The following ANKRD11 variants were observed in gnomAD, a reference collection of about 807,000 sequenced individuals.
ANKRD11 encodes ankyrin repeat domain 11, also known as ankyrin repeat domain-containing protein 11.
ANKRD11 carries 17 observed loss-of-function variants against 195.7 expected under a neutral mutation model. The ratio of observed to expected loss-of-function variants is 0.09; its 90% CI spans 0.06 to 0.13. The LOEUF is 0.13. ANKRD11 is among the 10% of genes least tolerant of loss of function. The probability of loss-of-function intolerance (pLI) is 1.00; values close to 1 mark genes in which losing one functional copy is unlikely to be tolerated. For synonymous variants in ANKRD11, 1,953 were observed against 1,528.1 expected (o/e 1.28, Z -6.49); for missense variants, 3,735 against 3,566.1 (o/e 1.05, Z -1.21).
chr16:89,334,540 T>C (rs968924196), intron 2 of ANKRD11, among the ~76,000 whole-genome samples: 1 of 151,942 alleles, frequency 6.6e-6, no homozygotes, highest in Non-Finnish European at 1.5e-5. Context: ...ACCCCACCCA[T>C]GTGGGCAGTG....
At chr16:89,421,921 G>T (rs139960931) in intron 1 of ANKRD11, among the ~76,000 whole-genome samples, 1 of 152,158 alleles carries the variant, frequency 6.6e-6, no homozygotes, top group Non-Finnish European at 1.5e-5. Flanking sequence ...CTATGGAAAT[G>T]GCAACAGGAC....
chr16:89,310,785 T>C (rs2036566703), intron 3 of ANKRD11, among the ~76,000 whole-genome samples: 1 of 152,274 alleles, frequency 6.6e-6, no homozygotes, highest in Non-Finnish European at 1.5e-5. Flanking sequence ...GGGTTTGCAC[T>C]GGAACACCAT....
chr16:89,321,527 T>C (rs1337141027), intron 2 of ANKRD11, among the ~76,000 whole-genome samples: 2 of 151,954 alleles, frequency 1.3e-5, no homozygotes, highest in Non-Finnish European at 2.9e-5. Context: ...GGAGCACTCC[T>C]TGCCAGAGGC....
At position 89,280,633 on chromosome 16, in the gene ANKRD11, G is replaced by C. The variant is rs1005592913; in HGVS notation, c.5909C>G (p.Pro1970Arg). Reference protein sequence around the residue: ...SSLIGGTSENPVSWPVGSDLL... With the variant: ...SSLIGGTSENRVSWPVGSDLL... Reference sequence around the variant, plus strand: ...GTCCGAGCCCACAGGCCAGCTCACAGGGTTTTCAGAGGTGCCCCCGATCAG... The same window carrying C: ...GTCCGAGCCCACAGGCCAGCTCACACGGTTTTCAGAGGTGCCCCCGATCAG... The change falls in exon 9 of 13, where the codon CCT becomes CGT. Residue 1970 changes from proline to arginine, a missense_variant. Coordinates refer to ENST00000301030, the MANE Select transcript of ANKRD11 (RefSeq NM_013275.6). The C allele has an allele frequency of 4.3e-6, 7 of 1,613,426 alleles. No homozygotes were observed. Among genetic ancestry groups the C allele is most frequent in the Non-Finnish European group, 5.1e-6 (6 of 1,179,970 alleles).
At chr16:89,386,304 A>G (rs1192271775) in intron 2 of ANKRD11, among the ~76,000 whole-genome samples, 1 of 152,056 alleles carries the variant, frequency 6.6e-6, no homozygotes, top group Non-Finnish European at 1.5e-5. Flanking sequence ...GATTATTAAG[A>G]CAGACAATGC....
At chr16:89,454,636 C>T (rs1180961029) in intron 1 of ANKRD11, among the ~76,000 whole-genome samples, 9 of 151,004 alleles carry the variant, frequency 6.0e-5, no homozygotes, top group African/African-American at 2.2e-4. Context: ...GTTCCTCAAG[C>T]TGCTCCCCTG....
At chr16:89,440,912 A>C (rs2043425278) in intron 1 of ANKRD11, among the ~76,000 whole-genome samples, 1 of 152,178 alleles carries the variant, frequency 6.6e-6, no homozygotes, top group Non-Finnish European at 1.5e-5. Flanking sequence ...GTCAAAACGG[A>C]AAGAGAGAGC....
chr16:89,270,196 T>A (rs1386545646), intron 12 of ANKRD11: 1 of 169,594 alleles, frequency 5.9e-6, no homozygotes, highest in Admixed American at 5.5e-5. Flanking sequence ...TCAGCACCTT[T>A]CTGAGAGCTG....
At chr16:89,458,319 G>A (rs2056524672) in intron 1 of ANKRD11, among the ~76,000 whole-genome samples, 1 of 151,954 alleles carries the variant, frequency 6.6e-6, no homozygotes, top group South Asian at 2.1e-4. Flanking sequence ...CCGCCTCCCG[G>A]GTTCAGGCCA....
intron 2 of ANKRD11, among the ~76,000 whole-genome samples, chr16:89,331,399 G>C (rs2038059680): frequency 1.3e-5 from 2 of 152,154 alleles, no homozygotes; most frequent in Non-Finnish European, 2.9e-5. Flanking sequence ...CCCGATCTCT[G>C]ACAAACAGGC....
intron 2 of ANKRD11, among the ~76,000 whole-genome samples, chr16:89,319,004 C>T (rs1007980503): frequency 5.3e-5 from 8 of 152,330 alleles, no homozygotes; most frequent in East Asian, 1.9e-4. Flanking sequence ...GCACCTGACT[C>T]GGAAGGCTGT....
intron 1 of ANKRD11, among the ~76,000 whole-genome samples, chr16:89,476,721 ACACTTC>A (rs1458142451): frequency 2.6e-5 from 4 of 152,226 alleles, no homozygotes; most frequent in Non-Finnish European, 5.9e-5. Context: ...GAGGTATACT[ACACTTC>A]CAGCAAAGAG....
chr16:89,280,419 C>T lies in ANKRD11; in HGVS notation c.6123G>A (p.Val2041=), dbSNP rs1304014327. 2 of 1,567,914 alleles carry T rather than the reference C, an allele frequency of 1.3e-6. No homozygotes were observed. The highest frequency in any genetic ancestry group is 1.8e-5 in the Admixed American group (1 of 55,226). ...TGGAGATGGCGGCGGGGACGGCGTC[C>T]ACTCCGTCCTTGACGTCCTCCAGCC... The part of the protein sequence containing the change: ...EPGLEDVKDG[V]DAVPAAISTS... Residue 2041 remains valine (V), a synonymous_variant, in exon 9 of 13, where the codon GTG becomes GTA. Coordinates refer to ENST00000301030, the MANE Select transcript of ANKRD11 (RefSeq NM_013275.6).
In ANKRD11 at chr16:89,285,784, T is replaced by C; in HGVS notation, c.893-135A>G. 8.9e-7 allele frequency: 1 copy of C among 1,127,132 alleles called. No homozygotes were observed. The highest frequency in any genetic ancestry group is 1.3e-6 in the Non-Finnish European group (1 of 766,448). The allele number at this position is 1,127,132 out of a possible 1,614,324, so 69.8% of individuals were successfully genotyped here. On this transcript the variant is annotated intron_variant, in intron 8 of 12. Transcript: ENST00000301030. This position sits in a 1 kb window ranked among gnomAD's most constrained non-coding sequence, Gnocchi z 5.6. The stretch of plus-strand genomic sequence containing the variant: ...CCTCTGCAGAGACACTTTGCTCGAC[T>C]CATGGAAACCAGCCACAGGCAGGAG...
At chr16:89,464,731 G>GA (rs2056825137) in intron 1 of ANKRD11, among the ~76,000 whole-genome samples, 1 of 151,824 alleles carries the variant, frequency 6.6e-6, no homozygotes, top group Admixed American at 6.6e-5. Flanking sequence ...TAAATTAACA[G>GA]AAAGTAAATG....
chr16:89,378,174 C>T (rs2040501178), intron 2 of ANKRD11, among the ~76,000 whole-genome samples: 1 of 152,000 alleles, frequency 6.6e-6, no homozygotes, highest in African/African-American at 2.4e-5. Flanking sequence ...ACATGGCAAG[C>T]GAGACTCTGT....
intron 2 of ANKRD11, among the ~76,000 whole-genome samples, chr16:89,367,285 C>T (rs1597802547): frequency 6.6e-6 from 1 of 152,242 alleles, no homozygotes; most frequent in Admixed American, 6.5e-5. Context: ...ACTCCTGCCG[C>T]AGGGGCCAGT....
At chr16:89,274,502 C>A (rs549570723) in intron 11 of ANKRD11, among the ~76,000 whole-genome samples, 27 of 152,266 alleles carry the variant, frequency 1.8e-4, no homozygotes, top group African/African-American at 6.3e-4. Context: ...CGCTGACACC[C>A]GTGAGAGGTA....
At chr16:89,484,472 C>T (rs1006785228) in intron 1 of ANKRD11, among the ~76,000 whole-genome samples, 13 of 152,052 alleles carry the variant, frequency 8.5e-5, no homozygotes, top group African/African-American at 3.1e-4. Context: ...TCTAGTAAAA[C>T]CTCAGGAACC....
Sources: gnomAD v4.1 joint callset for allele counts (sites outside exome capture counted in the v4.1 genomes callset) on GRCh38, gnomAD v4.1.1 for gene constraint, Gnocchi (gnomAD v3.1) non-coding constraint, MANE v1.5 for transcripts, NCBI Gene and HGNC (gene_info 2026-07-23, HGNC 2026-07-21) for gene names.